Variants in PIGL observed in about 807,000 individuals in gnomAD.
PIGL encodes N-acetylglucosaminyl-phosphatidylinositol de-N-acetylase.
In PIGL, 22 loss-of-function variants were observed where a neutral mutation model predicts 31.1. The ratio of observed to expected loss-of-function variants is 0.71; its 90% CI spans 0.51 to 1.01. The LOEUF (loss-of-function observed/expected upper bound fraction) is 1.01, where lower values mean the gene tolerates loss of function less well. Ranked by LOEUF, PIGL falls within the 50% of genes least tolerant of loss-of-function variation. PIGL has a pLI of 0.00. For synonymous variants in PIGL, 131 were observed against 117.4 expected, an observed-to-expected ratio of 1.12 and a Z score of -0.75; for missense variants, 302 against 315.9, an observed-to-expected ratio of 0.96 and a Z score of 0.33.
At chr17:16,283,927 C>G (rs1225266501) in intron 2 of PIGL, 1 of 151,978 alleles carries the variant, frequency 6.6e-6, no homozygotes, top group African/African-American at 2.4e-5. Context: ...TCTGCCTCAT[C>G]ATGAACTTGG....
chr17:16,228,651 G>A (rs1157616834), intron 1 of PIGL, among the ~76,000 whole-genome samples: 1 of 151,456 alleles, frequency 6.6e-6, no homozygotes. Context: ...GCCTCCCAAA[G>A]TGATGGGATT....
At chr17:16,315,486 C>G (rs1030202922) in intron 4 of PIGL, among the ~76,000 whole-genome samples, 4 of 151,926 alleles carry the variant, frequency 2.6e-5, no homozygotes, top group African/African-American at 9.7e-5. Context: ...CCCCTTGGTC[C>G]CCCTGTCCCC....
intron 2 of PIGL, among the ~76,000 whole-genome samples, chr17:16,254,387 G>A (rs1006724349): frequency 3.3e-5 from 5 of 151,970 alleles, no homozygotes; most frequent in African/African-American, 1.2e-4. Context: ...TCCTACCTCA[G>A]CCTCCCGAGT....
intron 2 of PIGL, among the ~76,000 whole-genome samples, chr17:16,239,927 T>A (rs1459843294): frequency 1.3e-5 from 2 of 152,150 alleles, no homozygotes; most frequent in Non-Finnish European, 2.9e-5. Context: ...GCTTATTTTT[T>A]AACTTTTCGT....
intron 2 of PIGL, among the ~76,000 whole-genome samples, chr17:16,274,054 T>C (rs936794049): frequency 6.6e-5 from 10 of 152,250 alleles, no homozygotes; most frequent in African/African-American, 2.4e-4. Context: ...AAGCCCCAGA[T>C]CATCAGGGCT....
chr17:16,226,785 C>T (rs931544526), intron 1 of PIGL, among the ~76,000 whole-genome samples: 1 of 152,102 alleles, frequency 6.6e-6, no homozygotes, highest in Non-Finnish European at 1.5e-5. Flanking sequence ...TTTGAAGGTC[C>T]TGTCTTTATG....
chr17:16,295,402 C>CAA (rs60864452), intron 2 of PIGL, among the ~76,000 whole-genome samples: 1 of 72,342 alleles, frequency 1.4e-5, no homozygotes. Flanking sequence ...GACTCCGTCT[C>CAA]AAAAAAAAAA....
chr17:16,308,281 G>C (rs1465675885), intron 3 of PIGL, among the ~76,000 whole-genome samples: 1 of 151,994 alleles, frequency 6.6e-6, no homozygotes, highest in Non-Finnish European at 1.5e-5. Flanking sequence ...GCGGTGAGCC[G>C]AGATTGTGCC....
chr17:16,309,581 G>A (rs549099299), intron 3 of PIGL, among the ~76,000 whole-genome samples: 6 of 151,566 alleles, frequency 4.0e-5, no homozygotes, highest in African/African-American at 1.5e-4. Flanking sequence ...GCCACATAAC[G>A]AAACCCCATC....
chr17:16,299,401 A>G (rs2092995338), intron 2 of PIGL, among the ~76,000 whole-genome samples: 1 of 150,908 alleles, frequency 6.6e-6, no homozygotes, highest in South Asian at 2.1e-4. Flanking sequence ...CCGAGATCTC[A>G]CCATTGCACT....
intron 1 of PIGL, among the ~76,000 whole-genome samples, chr17:16,222,060 T>C (rs919248777): frequency 6.6e-6 from 1 of 152,154 alleles, no homozygotes; most frequent in Non-Finnish European, 1.5e-5. Context: ...ATTTTTAAAA[T>C]CCCTTCTTAA....
At chr17:16,248,912 G>A (rs965768344) in intron 2 of PIGL, among the ~76,000 whole-genome samples, 2 of 152,176 alleles carry the variant, frequency 1.3e-5, no homozygotes, top group African/African-American at 4.8e-5. Flanking sequence ...TTGGTTTCTG[G>A]TAAGGGTCCT....
chr17:16,253,325 C>T (rs1318716285), intron 2 of PIGL, among the ~76,000 whole-genome samples: 2 of 152,040 alleles, frequency 1.3e-5, no homozygotes, highest in Non-Finnish European at 2.9e-5. Flanking sequence ...AAAACCCATG[C>T]CTATTAAAGT....
chr17:16,271,690 C>A (rs1305321039), intron 2 of PIGL, among the ~76,000 whole-genome samples: 2 of 152,010 alleles, frequency 1.3e-5, no homozygotes, highest in Non-Finnish European at 2.9e-5. Flanking sequence ...CACCACCACA[C>A]CCAGCTAATT....
At chr17:16,239,161 C>T (rs916968978) in intron 2 of PIGL, among the ~76,000 whole-genome samples, 1 of 151,658 alleles carries the variant, frequency 6.6e-6, no homozygotes, top group Non-Finnish European at 1.5e-5. Context: ...ATGGCAGAAC[C>T]CTGTCTCTAA....
intron 3 of PIGL, among the ~76,000 whole-genome samples, chr17:16,311,290 G>GT (rs1420752572): frequency 9.0e-6 from 1 of 110,954 alleles, no homozygotes; most frequent in South Asian, 2.6e-4. Flanking sequence ...ATTATTATTT[G>GT]TTTTTTCTTT....
At chr17:16,279,102 A>C (rs1203949428) in intron 2 of PIGL, among the ~76,000 whole-genome samples, 1 of 152,168 alleles carries the variant, frequency 6.6e-6, no homozygotes, top group Non-Finnish European at 1.5e-5. Context: ...GCTGCAGTCT[A>C]TTTCCTTTGG....
intron 1 of PIGL, among the ~76,000 whole-genome samples, chr17:16,221,932 T>G (rs2092631376): frequency 6.6e-6 from 1 of 152,086 alleles, no homozygotes; most frequent in South Asian, 2.1e-4. Flanking sequence ...TTTTGCATTT[T>G]TAATGGAGAT....
At chr17:16,248,329 A>G (rs1200816302) in intron 2 of PIGL, among the ~76,000 whole-genome samples, 3 of 152,356 alleles carry the variant, frequency 2.0e-5, no homozygotes, top group Middle Eastern at 3.4e-3. Context: ...GACCCAGGCC[A>G]CACCTTCAAA....
Sources: allele counts gnomAD v4.1 joint callset (sites outside exome capture counted in the v4.1 genomes callset), GRCh38; gene constraint gnomAD v4.1.1; transcripts MANE v1.5; gene names NCBI Gene and HGNC (gene_info 2026-07-23, HGNC 2026-07-21).